The following NF1 variants were observed in gnomAD, a reference collection of about 807,000 sequenced individuals.
NF1 encodes neurofibromin 1.
NF1 carries 122 observed loss-of-function variants against 325.7 expected under a neutral mutation model. The observed-to-expected ratio is 0.37, with a 90% CI of 0.32 to 0.44. The LOEUF (loss-of-function observed/expected upper bound fraction) is 0.44, where lower values mean the gene tolerates loss of function less well. Ranked by LOEUF, NF1 falls within the 20% of genes least tolerant of loss-of-function variation. The probability of loss-of-function intolerance (pLI) is 1.00; values close to 1 mark genes in which losing one functional copy is unlikely to be tolerated. For missense variants in NF1, 2,140 were observed against 3,415.4 expected (o/e 0.63, Z 9.31); for synonymous variants, 1,091 against 1,186.0 (o/e 0.92, Z 1.65).
chr17:31,124,848 G>A (rs900832011), intron 1 of NF1, among the ~76,000 whole-genome samples: 5 of 150,012 alleles, frequency 3.3e-5, no homozygotes, highest in Admixed American at 1.3e-4. Flanking sequence ...TGATCTGTCC[G>A]CCTTGGCCTC....
intron 36 of NF1, among the ~76,000 whole-genome samples, chr17:31,321,302 TG>T (rs1412615859): frequency 6.6e-6 from 1 of 152,144 alleles, no homozygotes; most frequent in African/African-American, 2.4e-5. Context: ...TAAAACTCCA[TG>T]GCGATGGCAA....
intron 36 of NF1, among the ~76,000 whole-genome samples, chr17:31,309,900 A>G (rs966573437): frequency 2.0e-5 from 3 of 152,172 alleles, no homozygotes; most frequent in South Asian, 2.1e-4. Flanking sequence ...AACACTTTCT[A>G]CCACTCTTCA....
intron 29 of NF1, among the ~76,000 whole-genome samples, chr17:31,236,483 A>G (rs1283068496): frequency 6.6e-6 from 1 of 152,114 alleles, no homozygotes; most frequent in Non-Finnish European, 1.5e-5. Context: ...TCTGCCATTC[A>G]GGCTGGGGTG....
chr17:31,291,572 G>A (rs1201652531), intron 36 of NF1, among the ~76,000 whole-genome samples: 3 of 152,110 alleles, frequency 2.0e-5, no homozygotes, highest in African/African-American at 4.8e-5. Context: ...GTGGTAGTGT[G>A]TAATACATTC....
At chr17:31,302,664 AC>A (rs892276128) in intron 36 of NF1, among the ~76,000 whole-genome samples, 5 of 151,580 alleles carry the variant, frequency 3.3e-5, no homozygotes, top group African/African-American at 1.2e-4. Flanking sequence ...ATATGGTGAA[AC>A]CCCATCTCTA....
At chr17:31,204,078 A>G (rs570204553) in intron 11 of NF1, among the ~76,000 whole-genome samples, 3 of 152,218 alleles carry the variant, frequency 2.0e-5, no homozygotes, top group South Asian at 4.1e-4. Flanking sequence ...TGTAAGATCT[A>G]TGTTATATGC....
At chr17:31,349,634 T>G (rs981225597) in intron 49 of NF1, among the ~76,000 whole-genome samples, 3 of 152,202 alleles carry the variant, frequency 2.0e-5, no homozygotes, top group African/African-American at 7.2e-5. Flanking sequence ...GGATGAGCTA[T>G]TTTAAGCTAA....
chr17:31,281,656 T>G (rs2068120457), intron 36 of NF1, among the ~76,000 whole-genome samples: 1 of 152,096 alleles, frequency 6.6e-6, no homozygotes, highest in South Asian at 2.1e-4. Flanking sequence ...TCCTTTATCA[T>G]GGGACATTAT....
intron 36 of NF1, among the ~76,000 whole-genome samples, chr17:31,323,808 C>T (rs567370192): frequency 1.3e-5 from 2 of 152,294 alleles, no homozygotes; most frequent in African/African-American, 4.8e-5. Flanking sequence ...ATGTAGCTTT[C>T]ACTGACTGCC....
chr17:31,202,128 TAGAC>T (rs1436480671), intron 11 of NF1, among the ~76,000 whole-genome samples: 3 of 152,222 alleles, frequency 2.0e-5, no homozygotes, highest in East Asian at 3.8e-4. Flanking sequence ...AGACATTAAA[TAGAC>T]AGCAAAACTA....
chr17:31,193,552 A>G (rs1452615116), intron 8 of NF1, among the ~76,000 whole-genome samples: 1 of 152,194 alleles, frequency 6.6e-6, no homozygotes, highest in Non-Finnish European at 1.5e-5. Flanking sequence ...ATTGCAAAGG[A>G]AACAATTGGC....
chr17:31,159,840 A>G (rs2065731299), intron 3 of NF1, among the ~76,000 whole-genome samples: 1 of 152,148 alleles, frequency 6.6e-6, no homozygotes, highest in Admixed American at 6.5e-5. Context: ...CTCATTTCTT[A>G]TGTTCTCTCT....
At chr17:31,166,156 T>G (rs1244777361) in intron 4 of NF1, among the ~76,000 whole-genome samples, 1 of 152,210 alleles carries the variant, frequency 6.6e-6, no homozygotes, top group African/African-American at 2.4e-5. Context: ...ATATCTCATT[T>G]GATATACCAC....
intron 40 of NF1, among the ~76,000 whole-genome samples, chr17:31,335,296 A>ATATATATATATATATATGTAT (rs1440930498): frequency 2.0e-5 from 1 of 50,100 alleles, no homozygotes; most frequent in Non-Finnish European, 3.2e-5. Flanking sequence ...ATATATATAT[A>ATATATATATATATATATGTAT]ATTATGCCTT....
chr17:31,229,660 G>T, intron 21 of NF1, 175 bp from the exon 22 acceptor site: 1 of 953,816 alleles, frequency 1.0e-6, no homozygotes, highest in East Asian at 2.4e-5. Context: ...TGTGCCTAAG[G>T]GTATACGTGC....
intron 29 of NF1, among the ~76,000 whole-genome samples, chr17:31,246,925 G>A (rs565469447): frequency 1.3e-5 from 2 of 152,106 alleles, no homozygotes; most frequent in South Asian, 2.1e-4. Flanking sequence ...GGCCGGGCAC[G>A]GTGGCTCATG....
chr17:31,100,454 T>C (rs1374449951), intron 1 of NF1, among the ~76,000 whole-genome samples: 1 of 152,242 alleles, frequency 6.6e-6, no homozygotes, highest in African/African-American at 2.4e-5. Flanking sequence ...TTATGGTGAG[T>C]GAGAAATAAT....
intron 17 of NF1, among the ~76,000 whole-genome samples, chr17:31,225,752 G>A (rs1321017844): frequency 6.6e-6 from 1 of 152,136 alleles, no homozygotes; most frequent in Non-Finnish European, 1.5e-5. Context: ...CATCATTACA[G>A]AAGAGTTTAT....
At chr17:31,290,050 T>C (rs558863225) in intron 36 of NF1, among the ~76,000 whole-genome samples, 1 of 152,298 alleles carries the variant, frequency 6.6e-6, no homozygotes, top group East Asian at 1.9e-4. Context: ...TTATGTCCTT[T>C]GCCCATTTAT....
Sources: allele counts gnomAD v4.1 joint callset (sites outside exome capture counted in the v4.1 genomes callset), GRCh38; gene constraint gnomAD v4.1.1; transcripts MANE v1.5; gene names NCBI Gene and HGNC (gene_info 2026-07-23, HGNC 2026-07-21).